The following TAC3 variants were observed in gnomAD, a reference collection of about 807,000 sequenced individuals.
The protein encoded by TAC3 is tachykinin precursor 3.
A neutral mutation model predicts 16.5 loss-of-function variants in TAC3; 9 were observed. The observed-to-expected ratio is 0.55, with a 90% CI of 0.33 to 0.95. TAC3 has a LOEUF of 0.95. Ranked by LOEUF, TAC3 falls within the 40% of genes least tolerant of loss-of-function variation. TAC3 has a pLI of 0.03. For synonymous variants in TAC3, 52 were observed against 56.7 expected (o/e 0.92, Z 0.37); for missense variants, 129 against 149.1 (o/e 0.87, Z 0.70).
intron 6 of TAC3, among the ~76,000 whole-genome samples, chr12:57,011,508 G>A (rs777234601): frequency 1.1e-4 from 17 of 152,132 alleles, no homozygotes; most frequent in South Asian, 2.1e-4. Flanking sequence ...TCTTACACTC[G>A]CATACCAAGT....
rs1352140940 is a variant in TAC3, at chr12:57,010,298, A to AAAAAC, written c.*2-15_*2-11dup. ...GTCCGGAAGTGGAGTACTGAGGACA[A>AAAAAC]AAAACAAAACAAAACAAAAAAAAAC... is the stretch of plus-strand genomic sequence containing the variant. On this transcript the variant is annotated splice_polypyrimidine_tract_variant and intron_variant, in intron 6 of 6. Coordinates refer to ENST00000458521, the MANE Select transcript of TAC3 (RefSeq NM_013251.4). 4.9e-6 allele frequency: 2 copies of AAAAAC among 408,430 alleles called. No individual in the cohort carries two copies. Among genetic ancestry groups the AAAAAC allele is most frequent in the African/African-American group, 2.1e-5 (1 of 47,800 alleles). 25.3% of individuals were successfully genotyped at this position (408,430 alleles called of 1,614,324 possible). A position where few individuals can be genotyped will look rare whatever the true frequency, so the allele number is the denominator to read the frequency against.
chr12:57,013,833 G>A (rs920328055), intron 2 of TAC3, among the ~76,000 whole-genome samples, 162 bp from the exon 3 acceptor site: 3 of 152,176 alleles, frequency 2.0e-5, no homozygotes, highest in Admixed American at 2.0e-4. Flanking sequence ...AGGTGCTCCA[G>A]GAGTGACCTG....
rs1264476039 is a variant in TAC3 at position 57,010,149 on chromosome 12, A to G, written c.*141T>C. The stretch of plus-strand genomic sequence containing the variant: ...TGCAGTTTCCACACCAGGGTCAGGT[A>G]GAAAAGATGGAGAAGGAGTCAAAGC... On this transcript the variant is annotated 3_prime_UTR_variant, in exon 7 of 7. Coordinates refer to ENST00000458521, the MANE Select transcript of TAC3 (RefSeq NM_013251.4). The G allele has an allele frequency of 2.2e-6, 1 of 454,100 alleles. No homozygotes were observed. The highest frequency in any genetic ancestry group is 1.6e-5 in the South Asian group (1 of 64,478). 28.1% of individuals were successfully genotyped at this position (454,100 alleles called of 1,614,324 possible).
intron 2 of TAC3, among the ~76,000 whole-genome samples, chr12:57,014,551 C>G (rs1458332456): frequency 1.3e-5 from 2 of 152,190 alleles, no homozygotes; most frequent in African/African-American, 4.8e-5. Flanking sequence ...GGCAATCCCT[C>G]TCATTCATTG....
At chr12:57,013,893 C>T (rs1410062195) in intron 2 of TAC3, among the ~76,000 whole-genome samples, 1 of 152,182 alleles carries the variant, frequency 6.6e-6, no homozygotes, top group Non-Finnish European at 1.5e-5. Flanking sequence ...GAAATGCAGA[C>T]TCTTGTTCCT....
intron 5 of TAC3, 132 bp downstream of exon 5, chr12:57,012,690 G>A (rs1177887141): frequency 1.2e-6 from 2 of 1,612,920 alleles, no homozygotes; most frequent in Non-Finnish European, 1.7e-6. Context: ...TTGGGATGAA[G>A]GGGCCGAGGA....
rs114046117 is a variant in TAC3 at position 57,010,232 on chromosome 12, G to T, written c.*58C>A. The T allele has an allele frequency of 4.4e-6, 2 of 454,074 alleles. No homozygotes were observed. The highest frequency in any genetic ancestry group is 1.4e-4 in the East Asian group (2 of 14,398). 28.1% of individuals were successfully genotyped at this position (454,074 alleles called of 1,614,324 possible). A position where few individuals can be genotyped will look rare whatever the true frequency, so the allele number is the denominator to read the frequency against. Reference sequence around the variant, plus strand: ...GGTAACAGGAGCGTGCGCACCTGGGGATTGGGACAGGGAAAGAGGTCTTCC... The same window carrying T: ...GGTAACAGGAGCGTGCGCACCTGGGTATTGGGACAGGGAAAGAGGTCTTCC... On this transcript the variant is annotated 3_prime_UTR_variant, in exon 7 of 7. Transcript: ENST00000458521.
At chr12:57,015,597 C>G (rs73114428) in intron 2 of TAC3, 87 bp downstream of exon 2, 8 of 1,202,436 alleles carry the variant, frequency 6.7e-6, no homozygotes, top group Non-Finnish European at 7.3e-6. Context: ...ACAACCCCCC[C>G]ACCCCAGTTT....
intron 2 of TAC3, among the ~76,000 whole-genome samples, 177 bp downstream of exon 2, chr12:57,015,507 A>G (rs1479912225): frequency 2.0e-5 from 3 of 152,206 alleles, no homozygotes; most frequent in Non-Finnish European, 2.9e-5. Flanking sequence ...CAGAGACACA[A>G]ACACACCTGG....
chr12:57,012,614 G>A, intron 5 of TAC3, 162 bp from the exon 6 acceptor site: 1 of 1,612,612 alleles, frequency 6.2e-7, no homozygotes, highest in Non-Finnish European at 8.5e-7. Context: ...AGCTGCAACA[G>A]GACTACCTTA....
chr12:57,011,464 G>A (rs559454852), intron 6 of TAC3, among the ~76,000 whole-genome samples: 2 of 152,180 alleles, frequency 1.3e-5, no homozygotes, highest in Non-Finnish European at 2.9e-5. Flanking sequence ...AAGGCGGAAG[G>A]TTCGTGTTTT....
chr12:57,012,317 C>G, intron 6 of TAC3, 61 bp downstream of exon 6: 1 of 1,470,802 alleles, frequency 6.8e-7, no homozygotes, highest in Non-Finnish European at 9.4e-7. Flanking sequence ...AAATGCACAG[C>G]TGGCAACCCC....
intron 4 of TAC3, 196 bp downstream of exon 4, chr12:57,013,163 C>G: frequency 1.3e-6 from 1 of 753,154 alleles, no homozygotes; most frequent in Non-Finnish European, 2.2e-6. Flanking sequence ...GAGGGAGAGC[C>G]CACCATGCCC....
At chr12:57,013,008 G>C (rs1417461591) in intron 4 of TAC3, 133 bp from the exon 5 acceptor site, 2 of 1,114,022 alleles carry the variant, frequency 1.8e-6, no homozygotes, top group African/African-American at 3.1e-5. Flanking sequence ...ACTCCTCACA[G>C]TTAGCAAGTG....
rs2136417896 is a variant in TAC3 at position 57,012,457 on chromosome 12, G to A, written c.293-5C>T. On this transcript the variant is annotated splice_polypyrimidine_tract_variant and splice_region_variant and intron_variant, in intron 5 of 6. Coordinates refer to ENST00000458521, the MANE Select transcript of TAC3 (RefSeq NM_013251.4). ...GATTCACATCCGTAGGAGAGTCTAGGGTAAAGCGAACAGTGTAAGTAAGAG... is the reference window on the plus strand; with the variant it reads ...GATTCACATCCGTAGGAGAGTCTAGAGTAAAGCGAACAGTGTAAGTAAGAG... 1.2e-6 allele frequency: 2 copies of A among 1,613,930 alleles called. No homozygotes were observed. The highest frequency in any genetic ancestry group is 1.7e-6 in the Non-Finnish European group (2 of 1,179,968).
chr12:57,015,613 C>A (rs1956360670), intron 2 of TAC3, 71 bp downstream of exon 2: 6 of 1,422,034 alleles, frequency 4.2e-6, no homozygotes, highest in Non-Finnish European at 5.9e-6. Context: ...AGTTTCCTCA[C>A]TACAGCTGTC....
At chr12:57,013,071 A>G (rs1565633489) in intron 4 of TAC3, 196 bp from the exon 5 acceptor site, 2 of 802,896 alleles carry the variant, frequency 2.5e-6, no homozygotes, top group African/African-American at 3.4e-5. Flanking sequence ...ACATTTCAAG[A>G]ATTTTCTGCT....
chr12:57,012,016 T>A, intron 6 of TAC3: 1 of 296,986 alleles, frequency 3.4e-6, no homozygotes, highest in Admixed American at 4.5e-5. Flanking sequence ...GTTGTGGTAT[T>A]TGTAATTATC....
intron 6 of TAC3, 76 bp from the exon 7 acceptor site, chr12:57,010,364 A>G: frequency 2.9e-6 from 1 of 349,470 alleles, no homozygotes; most frequent in South Asian, 2.3e-5. Context: ...AGTCCCACTG[A>G]AAACCTGCTG....
Sources: gnomAD v4.1 joint callset for allele counts (sites outside exome capture counted in the v4.1 genomes callset) on GRCh38, gnomAD v4.1.1 for gene constraint, MANE v1.5 for transcripts, NCBI Gene and HGNC (gene_info 2026-07-23, HGNC 2026-07-21) for gene names.